KLHDC3: variants seen among roughly 807,000 people sequenced by gnomAD.
The protein encoded by KLHDC3 is kelch domain-containing protein 3.
A neutral mutation model predicts 44.1 loss-of-function variants in KLHDC3; 5 were observed. That is an observed-to-expected ratio of 0.11 (90% CI 0.06 to 0.24). The LOEUF (loss-of-function observed/expected upper bound fraction) is 0.24. KLHDC3 is among the 10% of genes least tolerant of loss of function. The probability of loss-of-function intolerance (pLI) is 1.00; values close to 1 mark genes in which losing one functional copy is unlikely to be tolerated. For missense variants in KLHDC3, 247 were observed against 514.3 expected (o/e 0.48, Z 5.03); for synonymous variants, 170 against 189.0 (o/e 0.90, Z 0.82).
chr6:43,015,576 A>G (rs1246606191), intron 1 of KLHDC3, among the ~76,000 whole-genome samples: 1 of 152,148 alleles, frequency 6.6e-6, no homozygotes, highest in Non-Finnish European at 1.5e-5. Flanking sequence ...CCAGCTGGGC[A>G]TGGTGGCTCA....
At position 43,018,429 on chromosome 6, in the gene KLHDC3, T is replaced by C; in HGVS notation, c.606T>C (p.Phe202=). The change falls in exon 6 of 11, where the codon TTT becomes TTC. Residue 202 remains phenylalanine, a synonymous_variant. Coordinates refer to ENST00000326974, the MANE Select transcript of KLHDC3 (RefSeq NM_057161.4). This position sits in a 1 kb window ranked among gnomAD's most constrained non-coding sequence, Gnocchi z 6.0. The part of the protein sequence containing the change: ...MYVFGGRADR[F]GPFHSNNEIY... Reference sequence around the variant, plus strand: ...TCTTTGGGGGCCGTGCCGACCGCTTTGGGCCATTCCATTCCAACAATGAGA... The same window carrying C: ...TCTTTGGGGGCCGTGCCGACCGCTTCGGGCCATTCCATTCCAACAATGAGA... 6.2e-7 allele frequency: 1 copy of C among 1,614,206 alleles called. No individual in the cohort carries two copies. Among genetic ancestry groups the C allele is most frequent in the Non-Finnish European group, 8.5e-7 (1 of 1,180,038 alleles).
At position 43,021,256 on chromosome 6, in the gene KLHDC3, C is replaced by G; in HGVS notation, c.*523C>G. On this transcript the variant is annotated 3_prime_UTR_variant, in exon 11 of 11. Transcript: ENST00000326974. Reference sequence around the variant, plus strand: ...GCTGTCGCTGTACTCTGAAGTTCAGCCAGCTCAGATTTTATAAAAATTAAT... The same window carrying G: ...GCTGTCGCTGTACTCTGAAGTTCAGGCAGCTCAGATTTTATAAAAATTAAT... 2.7e-6 allele frequency: 1 copy of G among 363,876 alleles called. No individual in the cohort carries two copies. The highest frequency in any genetic ancestry group is 5.4e-6 in the Non-Finnish European group (1 of 184,396). 22.5% of individuals were successfully genotyped at this position (363,876 alleles called of 1,614,324 possible).
chr6:43,019,756 A>G (rs146973210), intron 10 of KLHDC3, among the ~76,000 whole-genome samples: 337 of 152,334 alleles, frequency 2.2e-3, no homozygotes, highest in African/African-American at 7.6e-3. Flanking sequence ...TTAGGTTCCA[A>G]TTAACCACCA....
Position 43,018,110 on chromosome 6 carries a change from C to T in KLHDC3, c.448-35C>T. On this transcript the variant is annotated intron_variant, in intron 4 of 10. Coordinates refer to ENST00000326974, the MANE Select transcript of KLHDC3 (RefSeq NM_057161.4). The surrounding 1 kb of genome is among the most constrained non-coding windows in gnomAD (Gnocchi z 6.0). Reference sequence around the variant, plus strand: ...GAGGGTCAGAGAGTGACCATTGGCTCCCTCTTTTCTTCCTCCTTTTCTCTT... The same window carrying T: ...GAGGGTCAGAGAGTGACCATTGGCTTCCTCTTTTCTTCCTCCTTTTCTCTT... The T allele has an allele frequency of 6.6e-7, 1 of 1,526,186 alleles. No individual in the cohort carries two copies. The highest frequency in any genetic ancestry group is 1.4e-5 in the African/African-American group (1 of 72,882). The allele number at this position is 1,526,186 out of a possible 1,614,324, so 94.5% of individuals were successfully genotyped here. A position where few individuals can be genotyped will look rare whatever the true frequency, so the allele number is the denominator to read the frequency against.
At position 43,017,113 on chromosome 6, in the gene KLHDC3, G is replaced by C; in HGVS notation, c.-59-21G>C. On this transcript the variant is annotated intron_variant, in intron 1 of 10. Transcript: ENST00000326974. The surrounding 1 kb of genome is among the most constrained non-coding windows in gnomAD (Gnocchi z 6.0). ...GGCAGAAGCCTCGCCTGAGGATCCC[G>C]TGGCCCCAATTTGTGTGCAGATAGC... The C allele has an allele frequency of 6.6e-7, 1 of 1,507,606 alleles. No individual in the cohort carries two copies. Among genetic ancestry groups the C allele is most frequent in the Non-Finnish European group, 9.0e-7 (1 of 1,113,142 alleles). The allele number at this position is 1,507,606 out of a possible 1,614,324, so 93.4% of individuals were successfully genotyped here.
rs768698366 is a variant in KLHDC3, at chr6:43,021,092, C to G, written c.*359C>G. 7 of 485,038 alleles carry G rather than the reference C, an allele frequency of 1.4e-5. No homozygotes were observed. The highest frequency in any genetic ancestry group is 1.2e-4 in the East Asian group (2 of 16,342). 30.0% of individuals were successfully genotyped at this position (485,038 alleles called of 1,614,324 possible). A position where few individuals can be genotyped will look rare whatever the true frequency, so the allele number is the denominator to read the frequency against. On this transcript the variant is annotated 3_prime_UTR_variant, in exon 11 of 11. Transcript: ENST00000326974. ...TGAGCCTCAGGAGCTTCCCCCTCCCCCTTTGCCTATCCCCTCCCCTCTGCT... is the reference window on the plus strand; with the variant it reads ...TGAGCCTCAGGAGCTTCCCCCTCCCGCTTTGCCTATCCCCTCCCCTCTGCT...
chr6:43,019,654 T>G (rs904592689), intron 10 of KLHDC3, among the ~76,000 whole-genome samples: 1 of 152,226 alleles, frequency 6.6e-6, no homozygotes, highest in African/African-American at 2.4e-5. Context: ...TGATTAAATC[T>G]TAGAACCTAG....
chr6:43,016,239 C>T (rs1338431732), intron 1 of KLHDC3, among the ~76,000 whole-genome samples: 1 of 152,160 alleles, frequency 6.6e-6, no homozygotes, highest in African/African-American at 2.4e-5. Context: ...AGCCCCTTCC[C>T]CTTTGCATTG....
chr6:43,017,168 G>A lies in KLHDC3; in HGVS notation c.-25G>A. 1 of 1,604,728 alleles carries A rather than the reference G, an allele frequency of 6.2e-7. No individual in the cohort carries two copies. Among genetic ancestry groups the A allele is most frequent in the South Asian group, 1.1e-5 (1 of 90,616 alleles). ...GCAGCAGGCCGTGCCGGGGGGGCAT[G>A]TTGCTGTAACCAGTGGCCCAGGGGA... On this transcript the variant is annotated 5_prime_UTR_variant, in exon 2 of 11. An upstream start codon of the reference 5' UTR is lost. Transcript: ENST00000326974. This position sits in a 1 kb window ranked among gnomAD's most constrained non-coding sequence, Gnocchi z 6.0.
chr6:43,019,653 C>G (rs1043313427), intron 10 of KLHDC3, among the ~76,000 whole-genome samples: 17 of 152,172 alleles, frequency 1.1e-4, no homozygotes, highest in Non-Finnish European at 2.9e-5. Context: ...CTGATTAAAT[C>G]TTAGAACCTA....
At chr6:43,014,413 G>A (rs1207602994) in intron 1 of KLHDC3, 65 bp downstream of exon 1, 1 of 591,142 alleles carries the variant, frequency 1.7e-6, no homozygotes, top group African/African-American at 1.8e-5. Context: ...GTCTGGAGCT[G>A]GAGTGGCGGG....
rs1053413026 is a variant in KLHDC3 at position 43,017,018 on chromosome 6, T to G, written c.-59-116T>G. The G allele has an allele frequency of 1.4e-6, 1 of 696,740 alleles. No homozygotes were observed. The highest frequency in any genetic ancestry group is 1.8e-5 in the South Asian group (1 of 55,984). The allele number at this position is 696,740 out of a possible 1,614,324, so 43.2% of individuals were successfully genotyped here. A position where few individuals can be genotyped will look rare whatever the true frequency, so the allele number is the denominator to read the frequency against. On this transcript the variant is annotated intron_variant, in intron 1 of 10. Transcript: ENST00000326974. The surrounding 1 kb of genome is among the most constrained non-coding windows in gnomAD (Gnocchi z 6.0). ...TGAGACTAGTGCCCCTGTGGAGGGG[T>G]AGTGTGGGAGGGCCCCCAGGGTGAC... is the stretch of plus-strand genomic sequence containing the variant.
intron 1 of KLHDC3, 47 bp downstream of exon 1, chr6:43,014,395 G>C (rs1271647267): frequency 3.3e-6 from 2 of 601,948 alleles, no homozygotes; most frequent in African/African-American, 1.8e-5. Flanking sequence ...GGGGGCTTAG[G>C]ACGTGCTGTC....
At chr6:43,019,211 T>TAA in intron 9 of KLHDC3, 46 bp downstream of exon 9, 2 of 1,554,294 alleles carry the variant, frequency 1.3e-6, no homozygotes, top group Non-Finnish European at 1.8e-6. Flanking sequence ...AAGGTCCCTG[T>TAA]CTTTGGGTGG....
At chr6:43,015,084 C>T (rs898249023) in intron 1 of KLHDC3, among the ~76,000 whole-genome samples, 1 of 152,068 alleles carries the variant, frequency 6.6e-6, no homozygotes, top group Non-Finnish European at 1.5e-5. Flanking sequence ...TTTTACTTTA[C>T]CTTGACATAT....
At chr6:43,019,562 T>TG (rs1762646231) in intron 10 of KLHDC3, among the ~76,000 whole-genome samples, 196 bp downstream of exon 10, 1 of 151,904 alleles carries the variant, frequency 6.6e-6, no homozygotes, top group South Asian at 2.1e-4. Context: ...ATAAATTATA[T>TG]GAAAAAAAAA....
chr6:43,014,683 A>T (rs1581873486), intron 1 of KLHDC3: 5 of 453,828 alleles, frequency 1.1e-5, no homozygotes, highest in Non-Finnish European at 2.2e-5. Flanking sequence ...GAAGACAGGG[A>T]TAGAGTCATA....
chr6:43,017,797 TGAG>T lies in KLHDC3; in HGVS notation c.332-51_332-49del. 6.3e-7 allele frequency: 1 copy of T among 1,586,670 alleles called. No homozygotes were observed. The highest frequency in any genetic ancestry group is 8.6e-7 in the Non-Finnish European group (1 of 1,157,244). ...CTTGGGGAGTAGAGTACCCCAGAGC[TGAG>T]GAGGGACTGTCATAGAGGGTGCTTA... is the stretch of plus-strand genomic sequence containing the variant. On this transcript the variant is annotated intron_variant, in intron 3 of 10. Transcript: ENST00000326974. This position sits in a 1 kb window ranked among gnomAD's most constrained non-coding sequence, Gnocchi z 6.0.
chr6:43,017,030 G>C lies in KLHDC3; in HGVS notation c.-59-104G>C, dbSNP rs1762595076. On this transcript the variant is annotated intron_variant, in intron 1 of 10. Coordinates refer to ENST00000326974, the MANE Select transcript of KLHDC3 (RefSeq NM_057161.4). The surrounding 1 kb of genome is among the most constrained non-coding windows in gnomAD (Gnocchi z 6.0). ...CCCTGTGGAGGGGTAGTGTGGGAGG[G>C]CCCCCAGGGTGACACTTGGAGGCAA... 15 of 783,644 alleles carry C rather than the reference G, an allele frequency of 1.9e-5. No homozygotes were observed. In the South Asian group the frequency reaches 2.2e-4, roughly 11 times the overall value. 48.5% of individuals were successfully genotyped at this position (783,644 alleles called of 1,614,324 possible).
Sources: gnomAD v4.1 joint callset for allele counts (sites outside exome capture counted in the v4.1 genomes callset) on GRCh38, gnomAD v4.1.1 for gene constraint, Gnocchi (gnomAD v3.1) non-coding constraint, MANE v1.5 for transcripts, NCBI Gene and HGNC (gene_info 2026-07-23, HGNC 2026-07-21) for gene names.